Variants in PALMD observed in about 807,000 individuals in gnomAD.
The protein encoded by PALMD is paralemmin-like protein.
Under a neutral mutation model 56.2 loss-of-function variants are expected in PALMD, and 42 were observed. The observed-to-expected ratio is 0.75, with a 90% CI of 0.58 to 0.97. The LOEUF (loss-of-function observed/expected upper bound fraction) is 0.97. Ranked by LOEUF, PALMD falls within the 50% of genes least tolerant of loss-of-function variation. The pLI, the probability that PALMD is intolerant of heterozygous loss-of-function variation, is 0.00. For missense variants in PALMD, 660 were observed against 643.8 expected (o/e 1.03, Z -0.27); for synonymous variants, 242 against 222.9 (o/e 1.09, Z -0.76).
At chr1:99,647,044 C>T (rs1652457888) in intron 1 of PALMD, among the ~76,000 whole-genome samples, 1 of 152,040 alleles carries the variant, frequency 6.6e-6, no homozygotes, top group South Asian at 2.1e-4. Flanking sequence ...GAAAATCGTA[C>T]ATTTTTTATG....
chr1:99,689,619 G>GGATGAAGGAGGAGGAA lies in PALMD; in HGVS notation c.1369_1370insGAGGAAGATGAAGGAG (p.Glu457GlyfsTer4), dbSNP rs1553168596. 1.2e-6 allele frequency: 2 copies of GGATGAAGGAGGAGGAA among 1,613,664 alleles called. No individual in the cohort carries two copies. Among genetic ancestry groups the GGATGAAGGAGGAGGAA allele is most frequent in the African/African-American group, 2.7e-5 (2 of 74,858 alleles). On this transcript the variant is annotated frameshift_variant, in exon 7 of 8. Transcript: ENST00000263174. LOFTEE classifies it high-confidence loss of function. ...TTGTGATTGATGATGAGGAGGAGGA[G>GGATGAAGGAGGAGGAA]GATGAAGGAGAAGCAGAGAAACCGT...
At chr1:99,693,751 T>C (rs1385744682) in intron 7 of PALMD, among the ~76,000 whole-genome samples, 1 of 152,222 alleles carries the variant, frequency 6.6e-6, no homozygotes, top group Non-Finnish European at 1.5e-5. Context: ...GCATTAATCC[T>C]GTATTTGTTC....
rs558047872 is a variant in PALMD, at chr1:99,686,918, T to A, written c.367-12T>A. ...AACTGTATTAATCATGGAGAATTCT[T>A]TTTTCTTACAGTCTGTGAAAGTGGA... On this transcript the variant is annotated splice_polypyrimidine_tract_variant and intron_variant, in intron 4 of 7. Coordinates refer to ENST00000263174, the MANE Select transcript of PALMD (RefSeq NM_017734.5). 2 of 1,556,034 alleles carry A rather than the reference T, an allele frequency of 1.3e-6. No homozygotes were observed. Among genetic ancestry groups the A allele is most frequent in the Non-Finnish European group, 1.8e-6 (2 of 1,134,628 alleles).
At chr1:99,691,670 C>T (rs1006935519) in intron 7 of PALMD, among the ~76,000 whole-genome samples, 1 of 152,080 alleles carries the variant, frequency 6.6e-6, no homozygotes, top group African/African-American at 2.4e-5. Flanking sequence ...GAATACATAA[C>T]CACCTACGTA....
chr1:99,656,885 A>G (rs1041254043), intron 1 of PALMD, among the ~76,000 whole-genome samples: 2 of 152,220 alleles, frequency 1.3e-5, no homozygotes, highest in Non-Finnish European at 2.9e-5. Flanking sequence ...ATCTCTCACA[A>G]CTTGCAATAT....
At chr1:99,678,408 T>C (rs1256767394) in intron 3 of PALMD, among the ~76,000 whole-genome samples, 1 of 152,126 alleles carries the variant, frequency 6.6e-6, no homozygotes, top group East Asian at 1.9e-4. Flanking sequence ...CCTGGCCCAG[T>C]AACTCATCTT....
intron 6 of PALMD, among the ~76,000 whole-genome samples, chr1:99,688,050 A>G (rs1653556134): frequency 6.6e-6 from 1 of 152,150 alleles, no homozygotes. Context: ...TACTTAGGTC[A>G]TGAAGCAAAT....
chr1:99,660,117 C>G (rs1284180207), intron 1 of PALMD, among the ~76,000 whole-genome samples: 2 of 152,228 alleles, frequency 1.3e-5, no homozygotes, highest in Admixed American at 1.3e-4. Flanking sequence ...GCTGCAGCAC[C>G]AGCATCTAGG....
intron 3 of PALMD, among the ~76,000 whole-genome samples, chr1:99,682,690 A>G (rs1269520872): frequency 6.6e-6 from 1 of 151,936 alleles, no homozygotes; most frequent in Non-Finnish European, 1.5e-5. Flanking sequence ...TCTATGCCCC[A>G]GGAAAAGAAA....
chr1:99,679,604 C>A (rs755631362), intron 3 of PALMD, among the ~76,000 whole-genome samples: 37 of 152,190 alleles, frequency 2.4e-4, no homozygotes, highest in Non-Finnish European at 5.0e-4. Context: ...TTTACACACT[C>A]GTGGGCCCCA....
intron 1 of PALMD, among the ~76,000 whole-genome samples, chr1:99,648,470 T>C (rs1310954770): frequency 1.3e-5 from 2 of 152,204 alleles, no homozygotes; most frequent in African/African-American, 2.4e-5. Flanking sequence ...GCAAGAATTA[T>C]TTCATTTTTG....
chr1:99,651,631 A>G (rs1652588231), intron 1 of PALMD, among the ~76,000 whole-genome samples: 1 of 152,242 alleles, frequency 6.6e-6, no homozygotes, highest in Non-Finnish European at 1.5e-5. Context: ...TATTTAAATG[A>G]TAGTAATGTC....
chr1:99,689,325 T>C lies in PALMD; in HGVS notation c.1065T>C (p.Asn355=). The part of the protein sequence containing the change: ...KRLMTPWEES[N]VMQDKDAPSP... ...TAATGACTCCTTGGGAAGAATCGAA[T>C]GTCATGCAGGACAAAGATGCACCCT... The change falls in exon 7 of 8, where the codon AAT becomes AAC. Residue 355 remains asparagine, a synonymous_variant. Transcript: ENST00000263174. 2 of 1,613,634 alleles carry C rather than the reference T, an allele frequency of 1.2e-6. No homozygotes were observed. The highest frequency in any genetic ancestry group is 1.3e-5 in the African/African-American group (1 of 74,962).
At chr1:99,667,878 A>ATT in intron 3 of PALMD, 112 bp downstream of exon 3, 1 of 1,039,538 alleles carries the variant, frequency 9.6e-7, no homozygotes, top group East Asian at 2.5e-5. Context: ...TTCCATTTGA[A>ATT]TTTCTTTTTT....
chr1:99,689,077 C>G lies in PALMD; in HGVS notation c.817C>G (p.Gln273Glu), dbSNP rs758136345. 1 of 1,613,520 alleles carries G rather than the reference C, an allele frequency of 6.2e-7. No homozygotes were observed. Among genetic ancestry groups the G allele is most frequent in the Non-Finnish European group, 8.5e-7 (1 of 1,179,728 alleles). Residue 273 changes from glutamine (Q) to glutamate (E), a missense_variant, in exon 7 of 8, where the codon CAG (glutamine) becomes GAG (glutamate). Coordinates refer to ENST00000263174, the MANE Select transcript of PALMD (RefSeq NM_017734.5). ...TCCCTTTTACAGGCCTACAACCCCA[C>G]AGAGAGAAACGGTGACCCCTGGACC... is the stretch of plus-strand genomic sequence containing the variant. ...ANPFYRPTTP[Q>E]RETVTPGPNF...
intron 1 of PALMD, among the ~76,000 whole-genome samples, chr1:99,652,700 G>GAAAAA (rs1652621161): frequency 3.5e-5 from 3 of 85,396 alleles, no homozygotes; most frequent in African/African-American, 1.4e-4. Context: ...GAAAGGAAAA[G>GAAAAA]AAAAGAAAAG....
chr1:99,691,718 C>A (rs979443439), intron 7 of PALMD, among the ~76,000 whole-genome samples: 10 of 152,058 alleles, frequency 6.6e-5, no homozygotes, highest in Non-Finnish European at 1.5e-4. Flanking sequence ...TGAGCTTCTC[C>A]CCATAACTCC....
intron 3 of PALMD, chr1:99,685,192 A>G (rs1394841494): frequency 6.6e-6 from 1 of 152,208 alleles, no homozygotes; most frequent in Non-Finnish European, 1.5e-5. Context: ...TAATGAGCGT[A>G]ATCTGTAATT....
intron 1 of PALMD, among the ~76,000 whole-genome samples, chr1:99,648,054 C>CT (rs893900240): frequency 1.3e-5 from 2 of 152,036 alleles, no homozygotes; most frequent in African/African-American, 4.8e-5. Flanking sequence ...CAGATGTATG[C>CT]TTTTTTGATG....
Sources: allele counts gnomAD v4.1 joint callset (sites outside exome capture counted in the v4.1 genomes callset), GRCh38; gene constraint gnomAD v4.1.1; transcripts MANE v1.5; gene names NCBI Gene and HGNC (gene_info 2026-07-23, HGNC 2026-07-21).